Variants in SH3D19 observed in about 807,000 individuals in gnomAD.
SH3D19 encodes SH3 domain-containing protein 19.
A neutral mutation model predicts 112.1 loss-of-function variants in SH3D19; 58 were observed. The ratio of observed to expected loss-of-function variants is 0.52; its 90% CI spans 0.42 to 0.64. The LOEUF (loss-of-function observed/expected upper bound fraction) is 0.64. Ranked by LOEUF, SH3D19 falls within the 30% of genes least tolerant of loss-of-function variation. The probability of loss-of-function intolerance (pLI) is 0.00; values close to 1 mark genes in which losing one functional copy is unlikely to be tolerated. For missense variants in SH3D19, 1,090 were observed against 1,263.4 expected (o/e 0.86, Z 2.08); for synonymous variants, 391 against 448.5 (o/e 0.87, Z 1.62).
At chr4:151,248,605 T>A (rs1561399232) in intron 1 of SH3D19, among the ~76,000 whole-genome samples, 1 of 152,186 alleles carries the variant, frequency 6.6e-6, no homozygotes, top group African/African-American at 2.4e-5. Flanking sequence ...CTAAGAGTAT[T>A]GGAAAAATTG....
At chr4:151,301,956 G>A (rs1049584536) in intron 1 of SH3D19, among the ~76,000 whole-genome samples, 3 of 152,112 alleles carry the variant, frequency 2.0e-5, no homozygotes, top group Admixed American at 6.5e-5. Flanking sequence ...CCAAAACCAA[G>A]TTTTTTGCCA....
At chr4:151,213,236 C>T (rs1766263527) in intron 2 of SH3D19, among the ~76,000 whole-genome samples, 1 of 152,116 alleles carries the variant, frequency 6.6e-6, no homozygotes, top group South Asian at 2.1e-4. Context: ...GGATTGGCTC[C>T]AATTTTGAAA....
At chr4:151,215,919 G>A (rs926702329) in intron 2 of SH3D19, among the ~76,000 whole-genome samples, 1 of 151,830 alleles carries the variant, frequency 6.6e-6, no homozygotes, top group Non-Finnish European at 1.5e-5. Context: ...TCTGCCTCCC[G>A]GGTTCAAGTG....
chr4:151,138,684 TCTCACACACACACACACACA>T (rs1329299633), intron 13 of SH3D19, among the ~76,000 whole-genome samples: 88 of 135,894 alleles, frequency 6.5e-4, no homozygotes, highest in African/African-American at 1.3e-3. Context: ...CAAGATCTTG[TCTCACACACACACACACACA>T]CACACACACA....
chr4:151,253,053 A>G (rs1158985061), intron 1 of SH3D19, among the ~76,000 whole-genome samples: 2 of 152,126 alleles, frequency 1.3e-5, no homozygotes, highest in African/African-American at 4.8e-5. Flanking sequence ...TTATCAATCT[A>G]CTTGCCAGTT....
At chr4:151,241,242 T>C (rs1482203258) in intron 1 of SH3D19, among the ~76,000 whole-genome samples, 1 of 151,916 alleles carries the variant, frequency 6.6e-6, no homozygotes, top group East Asian at 1.9e-4. Context: ...CAGTGAGCTA[T>C]GATTGTGCCA....
chr4:151,125,129 A>G (rs1748915049), intron 19 of SH3D19, among the ~76,000 whole-genome samples: 1 of 152,150 alleles, frequency 6.6e-6, no homozygotes, highest in Non-Finnish European at 1.5e-5. Context: ...GAACTGATAG[A>G]AGGTTACGAG....
intron 3 of SH3D19, among the ~76,000 whole-genome samples, chr4:151,187,057 G>A (rs1761912577): frequency 6.6e-6 from 1 of 151,804 alleles, no homozygotes; most frequent in Non-Finnish European, 1.5e-5. Flanking sequence ...GCCTCCCAAA[G>A]TGCTGGGATT....
At chr4:151,311,357 C>T (rs1729444234) in intron 1 of SH3D19, among the ~76,000 whole-genome samples, 1 of 151,842 alleles carries the variant, frequency 6.6e-6, no homozygotes, top group African/African-American at 2.4e-5. Context: ...GATCATGCCA[C>T]TGCACTCCAG....
chr4:151,223,184 TCCCAACAA>T (rs1768392833), intron 2 of SH3D19, among the ~76,000 whole-genome samples: 1 of 151,776 alleles, frequency 6.6e-6, no homozygotes, highest in Non-Finnish European at 1.5e-5. Context: ...TAACAACTTT[TCCCAACAA>T]CTTTTTTTTT....
chr4:151,241,865 T>G (rs1384845671), intron 1 of SH3D19, among the ~76,000 whole-genome samples: 1 of 151,984 alleles, frequency 6.6e-6, no homozygotes, highest in Non-Finnish European at 1.5e-5. Flanking sequence ...ATGTTTTCAA[T>G]GGATACAATT....
At chr4:151,283,164 G>A (rs778624649) in intron 1 of SH3D19, 51 of 1,613,704 alleles carry the variant, frequency 3.2e-5, no homozygotes, top group Non-Finnish European at 4.1e-5. Flanking sequence ...ACCCATTATT[G>A]ACCGCCAGGC....
chr4:151,182,732 T>C (rs1402716358), intron 3 of SH3D19, among the ~76,000 whole-genome samples: 2 of 152,252 alleles, frequency 1.3e-5, no homozygotes, highest in Non-Finnish European at 2.9e-5. Context: ...CAGATTTTCA[T>C]GTGTTGTCTC....
intron 18 of SH3D19, 21 bp downstream of exon 18, chr4:151,128,149 C>A: frequency 6.4e-7 from 1 of 1,569,972 alleles, no homozygotes; most frequent in Non-Finnish European, 8.6e-7. Context: ...GAGTCGCATT[C>A]ATGTCTTGCG....
intron 1 of SH3D19, among the ~76,000 whole-genome samples, chr4:151,231,867 G>A (rs902799483): frequency 1.3e-5 from 2 of 152,162 alleles, no homozygotes; most frequent in African/African-American, 4.8e-5. Context: ...ATTGGAGATG[G>A]AAAGGAAGTT....
chr4:151,268,991 T>C (rs1773030645), intron 1 of SH3D19, among the ~76,000 whole-genome samples: 2 of 152,184 alleles, frequency 1.3e-5, no homozygotes, highest in South Asian at 4.1e-4. Flanking sequence ...GTATTTCTAG[T>C]TCTAGATCCC....
intron 2 of SH3D19, among the ~76,000 whole-genome samples, chr4:151,218,461 T>C (rs773379576): frequency 7.9e-5 from 12 of 151,944 alleles, no homozygotes; most frequent in Non-Finnish European, 1.3e-4. Flanking sequence ...CACTCTGTCA[T>C]GCAGGCTGGG....
intron 13 of SH3D19, among the ~76,000 whole-genome samples, chr4:151,138,643 G>A (rs1466034788): frequency 6.6e-6 from 1 of 150,414 alleles, no homozygotes; most frequent in East Asian, 2.0e-4. Flanking sequence ...TATAGTGATT[G>A]CACCACTGCA....
intron 1 of SH3D19, among the ~76,000 whole-genome samples, chr4:151,278,569 A>G (rs1773877328): frequency 2.0e-5 from 3 of 152,142 alleles, no homozygotes; most frequent in Non-Finnish European, 4.4e-5. Flanking sequence ...ATCTCTGGTC[A>G]TCCCTAGTTT....
Sources: gnomAD v4.1 joint callset for allele counts (sites outside exome capture counted in the v4.1 genomes callset) on GRCh38, gnomAD v4.1.1 for gene constraint, MANE v1.5 for transcripts, NCBI Gene and HGNC (gene_info 2026-07-23, HGNC 2026-07-21) for gene names.